OCLN: variants seen among roughly 807,000 people sequenced by gnomAD.
OCLN encodes the protein phosphatase 1, regulatory subunit 115.
A neutral mutation model predicts 47.9 loss-of-function variants in OCLN; 21 were observed. The observed-to-expected ratio is 0.44, with a 90% confidence interval of 0.31 to 0.63. The LOEUF (loss-of-function observed/expected upper bound fraction) is 0.63, where lower values mean the gene tolerates loss of function less well. OCLN is among the 30% of genes least tolerant of loss of function. OCLN has a pLI of 0.08. For missense variants in OCLN, 360 were observed against 571.0 expected (o/e 0.63, Z 3.77); for synonymous variants, 117 against 198.4 (o/e 0.59, Z 3.45).
At chr5:69,503,238 T>C (rs773918600) in intron 1 of OCLN, among the ~76,000 whole-genome samples, 107 of 152,306 alleles carry the variant, frequency 7.0e-4, no homozygotes, top group Non-Finnish European at 1.3e-3. Flanking sequence ...CTTTTTACTG[T>C]TGACTTTGTC....
chr5:69,518,858 C>T (rs1053612090), intron 4 of OCLN, among the ~76,000 whole-genome samples: 14 of 152,048 alleles, frequency 9.2e-5, no homozygotes, highest in Non-Finnish European at 1.0e-4. Flanking sequence ...ATGGCTGATT[C>T]GGGGGGAAAA....
chr5:69,532,299 A>G (rs547124095), intron 4 of OCLN, among the ~76,000 whole-genome samples: 3 of 152,304 alleles, frequency 2.0e-5, no homozygotes, highest in East Asian at 1.9e-4. Flanking sequence ...CAGTGGCACA[A>G]TCAGAGCTCA....
rs1465610968 is a variant in OCLN at position 69,554,631 on chromosome 5, T to C, written c.*960T>C. ...AGCAATGGAAAACCACACTCAGGAG[T>C]TGTATCTGTTGTTGTTTATACTCCT... On this transcript the variant is annotated 3_prime_UTR_variant, in exon 9 of 9. Coordinates refer to ENST00000396442, the MANE Select transcript of OCLN (RefSeq NM_001205254.2). 1.8e-4 allele frequency: 27 copies of C among 151,900 alleles called. No individual in the cohort carries two copies. Among genetic ancestry groups the C allele is most frequent in the Admixed American group, 1.8e-3 (27 of 15,220 alleles). 9.4% of individuals were successfully genotyped at this position (151,900 alleles called of 1,614,324 possible).
At chr5:69,527,603 T>C (rs1446555260) in intron 4 of OCLN, among the ~76,000 whole-genome samples, 3 of 152,218 alleles carry the variant, frequency 2.0e-5, no homozygotes, top group Non-Finnish European at 4.4e-5. Flanking sequence ...AGCAACCTTA[T>C]GGTGGTTAGA....
In OCLN at chr5:69,509,143, A is replaced by G; in HGVS notation, c.53A>G (p.Lys18Arg). The G allele has an allele frequency of 6.2e-7, 1 of 1,613,718 alleles. No individual in the cohort carries two copies. Among genetic ancestry groups the G allele is most frequent in the Non-Finnish European group, 8.5e-7 (1 of 1,179,600 alleles). Residue 18 changes from lysine to arginine, a missense_variant and splice_region_variant, in exon 3 of 9, where the codon AAA (lysine) becomes AGA (arginine). Transcript: ENST00000396442. Reference protein sequence around the residue: ...SPPPYRPDEFKPNHYAPSNDI... With the variant: ...SPPPYRPDEFRPNHYAPSNDI... The stretch of plus-strand genomic sequence containing the variant: ...AATTATTTTCATGTTCATTTCAGCA[A>G]ACCGAATCATTATGCACCAAGCAAT...
At chr5:69,525,339 C>T (rs1205218062) in intron 4 of OCLN, among the ~76,000 whole-genome samples, 1 of 151,826 alleles carries the variant, frequency 6.6e-6, no homozygotes. Flanking sequence ...CTCCTGACCT[C>T]ATGATCCGCC....
chr5:69,497,607 C>T (rs1487994974), intron 1 of OCLN, among the ~76,000 whole-genome samples: 2 of 151,888 alleles, frequency 1.3e-5, no homozygotes, highest in Non-Finnish European at 2.9e-5. Flanking sequence ...AAGATGGTCT[C>T]GATCTCCTTG....
intron 4 of OCLN, among the ~76,000 whole-genome samples, chr5:69,515,381 A>G (rs1245265710): frequency 1.7e-5 from 2 of 119,504 alleles, no homozygotes; most frequent in Admixed American, 8.5e-5. Context: ...CTCACCTCCC[A>G]GACAGGGCGG....
In OCLN at chr5:69,509,565, A is replaced by G. The variant is rs1274925175; in HGVS notation, c.475A>G (p.Ser159Gly). Residue 159 changes from serine (S) to glycine (G), a missense_variant, in exon 3 of 9, where the codon AGT becomes GGT. Coordinates refer to ENST00000396442, the MANE Select transcript of OCLN (RefSeq NM_001205254.2). ...TGCCGCGTTGGTGATCTTTGTTACC[A>G]GTGTTATAAGATCTGAAATGTCCAG... ...FIAALVIFVTSVIRSEMSRTR... is the reference protein window; with the variant it reads ...FIAALVIFVTGVIRSEMSRTR... The G allele has an allele frequency of 3.1e-6, 5 of 1,614,204 alleles. No individual in the cohort carries two copies. Among genetic ancestry groups the G allele is most frequent in the Middle Eastern group, 1.6e-4 (1 of 6,062 alleles).
Position 69,553,777 on chromosome 5 carries a change from A to G in OCLN, c.*106A>G. 6.3e-7 allele frequency: 1 copy of G among 1,582,352 alleles called. No homozygotes were observed. Among genetic ancestry groups the G allele is most frequent in the Non-Finnish European group, 8.6e-7 (1 of 1,158,464 alleles). Reference sequence around the variant, plus strand: ...TAACCCCGGAAGCCAAACCTCTGTGAGCATCACAAAGTTTTGGTTGCTTTA... The same window carrying G: ...TAACCCCGGAAGCCAAACCTCTGTGGGCATCACAAAGTTTTGGTTGCTTTA... On this transcript the variant is annotated 3_prime_UTR_variant, in exon 9 of 9. Transcript: ENST00000396442.
chr5:69,511,621 G>T (rs1360859142), intron 3 of OCLN, among the ~76,000 whole-genome samples: 12 of 152,088 alleles, frequency 7.9e-5, no homozygotes, highest in Non-Finnish European at 5.9e-5. Flanking sequence ...TCACTTTGTT[G>T]CCCGGTCTGG....
chr5:69,521,877 C>T (rs760106276), intron 4 of OCLN, among the ~76,000 whole-genome samples: 1 of 152,172 alleles, frequency 6.6e-6, no homozygotes, highest in Non-Finnish European at 1.5e-5. Flanking sequence ...CATAGCATGG[C>T]TTAGTTTTCC....
At chr5:69,515,230 G>T (rs1403881461) in intron 4 of OCLN, among the ~76,000 whole-genome samples, 2 of 146,722 alleles carry the variant, frequency 1.4e-5, no homozygotes, top group South Asian at 2.2e-4. Context: ...AGGGGCGGCC[G>T]GGCAGAGGCG....
At chr5:69,549,089 G>C (rs1449013323) in intron 7 of OCLN, among the ~76,000 whole-genome samples, 1 of 149,984 alleles carries the variant, frequency 6.7e-6, no homozygotes, top group Non-Finnish European at 1.5e-5. Context: ...CCAGCACTTT[G>C]GGAGGCCGAG....
chr5:69,529,230 T>C lies in OCLN; in HGVS notation c.892-5464T>C, dbSNP rs368715911. ...ATTTGGAGAAGAGCACCTGAGCTGC[T>C]CTAAAGGAGAGCTGCCCTGTTTGTT... On this transcript the variant is annotated intron_variant, in intron 4 of 8. Coordinates refer to ENST00000396442, the MANE Select transcript of OCLN (RefSeq NM_001205254.2). Among the ~76,000 whole-genome samples the C allele has an allele frequency of 9.8e-5, 15 of 152,304 alleles. 1 individual carries two copies. Among genetic ancestry groups the C allele is most frequent in the African/African-American group, 3.6e-4 (15 of 41,564 alleles).
chr5:69,527,787 G>A (rs1447717975), intron 4 of OCLN, among the ~76,000 whole-genome samples: 1 of 152,094 alleles, frequency 6.6e-6, no homozygotes, highest in Non-Finnish European at 1.5e-5. Flanking sequence ...AACCGCAGAA[G>A]GGAGGGAGTA....
chr5:69,522,710 C>T (rs933770051), intron 4 of OCLN, among the ~76,000 whole-genome samples: 5 of 151,748 alleles, frequency 3.3e-5, no homozygotes, highest in South Asian at 2.1e-4. Flanking sequence ...CTGTATACCA[C>T]GGCACTCAGT....
chr5:69,506,589 T>C (rs151070455), intron 2 of OCLN, among the ~76,000 whole-genome samples: 1 of 152,268 alleles, frequency 6.6e-6, no homozygotes, highest in East Asian at 1.9e-4. Flanking sequence ...TAATCCTAGC[T>C]CCCATCCTGA....
chr5:69,525,111 C>T (rs1234050510), intron 4 of OCLN, among the ~76,000 whole-genome samples: 1 of 146,134 alleles, frequency 6.8e-6, no homozygotes, highest in Non-Finnish European at 1.5e-5. Context: ...CTTTTCTTTT[C>T]TTTTTTTTTT....
Sources: gnomAD v4.1 joint callset for allele counts (sites outside exome capture counted in the v4.1 genomes callset) on GRCh38, gnomAD v4.1.1 for gene constraint, MANE v1.5 for transcripts, NCBI Gene and HGNC (gene_info 2026-07-23, HGNC 2026-07-21) for gene names.